The following TEX9 variants were observed in gnomAD, a reference collection of about 807,000 sequenced individuals.
TEX9 encodes the protein testis expressed 9.
TEX9 carries 74 observed loss-of-function variants against 59.6 expected under a neutral mutation model. The ratio of observed to expected loss-of-function variants is 1.24; its 90% CI spans 1.03 to 1.51. TEX9 has a LOEUF of 1.51. TEX9 is among the 40% of genes most tolerant of loss of function. TEX9 has a pLI of 0.00. For synonymous variants in TEX9, 186 were observed against 152.2 expected, an observed-to-expected ratio of 1.22 and a Z score of -1.64; for missense variants, 522 against 447.8, an observed-to-expected ratio of 1.17 and a Z score of -1.49.
chr15:56,423,690 C>T (rs1187405552), intron 10 of TEX9, among the ~76,000 whole-genome samples: 1 of 152,178 alleles, frequency 6.6e-6, no homozygotes, highest in Non-Finnish European at 1.5e-5. Flanking sequence ...CCCCAACACC[C>T]TGCACCACAT....
chr15:56,427,762 A>G, intron 11 of TEX9, 23 bp downstream of exon 11: 2 of 1,423,476 alleles, frequency 1.4e-6, no homozygotes, highest in Non-Finnish European at 1.9e-6. Context: ...TTAAAGTTAA[A>G]TCATCATATT....
chr15:56,371,530 T>C (rs2142011953), intron 2 of TEX9, among the ~76,000 whole-genome samples: 1 of 152,282 alleles, frequency 6.6e-6, no homozygotes, highest in Non-Finnish European at 1.5e-5. Flanking sequence ...CTTGTTCTTA[T>C]AGTATAAATT....
At chr15:56,426,589 GTATATATATATATATATATA>G (rs71110391) in intron 10 of TEX9, among the ~76,000 whole-genome samples, 135 of 24,328 alleles carry the variant, frequency 5.5e-3, no homozygotes, top group African/African-American at 7.7e-3. Context: ...TTGAAAAGGT[GTATATATATATATATATATA>G]TATATATATA....
intron 1 of TEX9, among the ~76,000 whole-genome samples, chr15:56,348,262 T>A (rs1169428899): frequency 6.6e-6 from 1 of 152,090 alleles, no homozygotes; most frequent in Non-Finnish European, 1.5e-5. Context: ...ATCTGTTATG[T>A]CATGGAAATT....
chr15:56,452,769 C>T, the TEX9 span, among the ~76,000 whole-genome samples: 27 of 152,074 alleles, frequency 1.8e-4, no homozygotes, highest in Admixed American at 1.3e-3. Flanking sequence ...CCACTCACCT[C>T]GGCCTCCCAA....
chr15:56,336,224 T>G (rs1008086084), intron 1 of TEX9, among the ~76,000 whole-genome samples: 8 of 152,180 alleles, frequency 5.3e-5, no homozygotes, highest in African/African-American at 1.9e-4. Context: ...AAACAGACTC[T>G]GAGATGGTGC....
exon 11 of TEX9, chr15:56,427,700 G>A (rs746766895): frequency 6.6e-7 from 1 of 1,518,290 alleles, no homozygotes; most frequent in South Asian, 1.3e-5. Context: ...TAGGGTTCAA[G>A]AAACAGTTAA....
chr15:56,444,573 T>A (rs762712101), intron 12 of TEX9: 4 of 1,613,112 alleles, frequency 2.5e-6, no homozygotes, highest in Admixed American at 3.3e-5. Flanking sequence ...AAGATAGTAC[T>A]GTGCTTTCGC....
At chr15:56,376,832 A>C (rs2047477356) in intron 3 of TEX9, among the ~76,000 whole-genome samples, 1 of 152,112 alleles carries the variant, frequency 6.6e-6, no homozygotes, top group Non-Finnish European at 1.5e-5. Flanking sequence ...TGTCTACTCC[A>C]ATGTCCTGGA....
At chr15:56,440,237 T>G (rs1248687851) in intron 12 of TEX9, among the ~76,000 whole-genome samples, 1 of 152,134 alleles carries the variant, frequency 6.6e-6, no homozygotes, top group Non-Finnish European at 1.5e-5. Flanking sequence ...CATGGATATT[T>G]AAAAGTGGCT....
At chr15:56,301,499 A>G (rs2045359927) in intron 1 of TEX9, among the ~76,000 whole-genome samples, 1 of 152,142 alleles carries the variant, frequency 6.6e-6, no homozygotes, top group Non-Finnish European at 1.5e-5. Context: ...TTAATAATCA[A>G]ACTCGCAATG....
intron 12 of TEX9, chr15:56,430,003 C>T (rs2050530090): frequency 6.6e-6 from 1 of 152,126 alleles, no homozygotes; most frequent in Non-Finnish European, 1.5e-5. Flanking sequence ...ATTCCTTAAT[C>T]CTTTCTAACC....
At chr15:56,352,250 GTCT>G (rs1219466866) in intron 1 of TEX9, among the ~76,000 whole-genome samples, 4 of 150,080 alleles carry the variant, frequency 2.7e-5, no homozygotes, top group Non-Finnish European at 6.0e-5. Context: ...GTTAATTGCC[GTCT>G]TCTTTTTTTG....
chr15:56,288,309 T>G (rs1375698190), intron 1 of TEX9, among the ~76,000 whole-genome samples: 16 of 152,114 alleles, frequency 1.1e-4, no homozygotes, highest in Non-Finnish European at 2.4e-4. Context: ...TAGCTTTTAC[T>G]AGAATTTTTT....
intron 10 of TEX9, among the ~76,000 whole-genome samples, chr15:56,423,959 A>T (rs1190652092): frequency 1.3e-5 from 2 of 151,974 alleles, no homozygotes; most frequent in Non-Finnish European, 2.9e-5. Flanking sequence ...TATCCTTCTT[A>T]TGCCTTTGTG....
At chr15:56,388,038 T>G (rs1428770000) in intron 4 of TEX9, among the ~76,000 whole-genome samples, 1 of 151,992 alleles carries the variant, frequency 6.6e-6, no homozygotes, top group Non-Finnish European at 1.5e-5. Context: ...GCAGACGTGA[T>G]TTCTACCCTC....
At chr15:56,259,881 A>G (rs1162572566) in intron 1 of TEX9, among the ~76,000 whole-genome samples, 1 of 152,052 alleles carries the variant, frequency 6.6e-6, no homozygotes, top group Admixed American at 6.6e-5. Context: ...ATCCATGAAC[A>G]TGGTATATCT....
At chr15:56,263,533 G>A (rs181604046) in intron 1 of TEX9, among the ~76,000 whole-genome samples, 27 of 149,428 alleles carry the variant, frequency 1.8e-4, no homozygotes, top group Admixed American at 6.0e-4. Context: ...TTCTTTATTC[G>A]TTGTTCTTTA....
At chr15:56,439,458 T>C (rs1303504984) in intron 12 of TEX9, among the ~76,000 whole-genome samples, 1 of 151,846 alleles carries the variant, frequency 6.6e-6, no homozygotes. Flanking sequence ...AAAAAAAAAT[T>C]TTAAGACTTG....
Sources: gnomAD v4.1 joint callset for allele counts (sites outside exome capture counted in the v4.1 genomes callset) on GRCh38, gnomAD v4.1.1 for gene constraint, MANE v1.5 for transcripts, NCBI Gene and HGNC (gene_info 2026-07-23, HGNC 2026-07-21) for gene names.